CTNNBL1: variants seen among roughly 807,000 people sequenced by gnomAD.
CTNNBL1 encodes the protein beta-catenin-like protein 1.
Under a neutral mutation model 72.7 loss-of-function variants are expected in CTNNBL1, and 31 were observed. That is an observed-to-expected ratio of 0.43 (90% CI 0.32 to 0.58). The LOEUF (loss-of-function observed/expected upper bound fraction) is 0.58, where lower values mean the gene tolerates loss of function less well. Ranked by LOEUF, CTNNBL1 falls within the 20% of genes least tolerant of loss-of-function variation. CTNNBL1 has a pLI of 0.08. For synonymous variants in CTNNBL1, 240 were observed against 267.3 expected (o/e 0.90, Z 1.00); for missense variants, 534 against 725.1 (o/e 0.74, Z 3.03).
intron 1 of CTNNBL1, among the ~76,000 whole-genome samples, chr20:37,713,641 T>C (rs1405459852): frequency 1.3e-5 from 2 of 152,216 alleles, no homozygotes; most frequent in African/African-American, 4.8e-5. Flanking sequence ...GCCTCTGCAC[T>C]AATGGCAGAT....
intron 2 of CTNNBL1, among the ~76,000 whole-genome samples, chr20:37,734,455 G>A (rs2073155508): frequency 6.6e-6 from 1 of 152,190 alleles, no homozygotes; most frequent in African/African-American, 2.4e-5. Flanking sequence ...CAGTTAATTG[G>A]CAGGTATAAT....
chr20:37,852,938 C>T (rs6067891), intron 13 of CTNNBL1, among the ~76,000 whole-genome samples: 6,490 of 152,196 alleles, frequency 0.043, 225 homozygotes, highest in Non-Finnish European at 0.06. Flanking sequence ...GATCTGATCC[C>T]ATCTTCTTAG....
At chr20:37,831,877 T>G (rs914522338) in intron 11 of CTNNBL1, among the ~76,000 whole-genome samples, 6 of 152,228 alleles carry the variant, frequency 3.9e-5, no homozygotes, top group Non-Finnish European at 7.3e-5. Context: ...TAATCTTCAT[T>G]TCTTTACAGA....
chr20:37,759,758 G>T (rs1324448012), intron 5 of CTNNBL1, among the ~76,000 whole-genome samples: 1 of 152,186 alleles, frequency 6.6e-6, no homozygotes, highest in African/African-American at 2.4e-5. Flanking sequence ...CCAGTCGGAA[G>T]TCATCAGTAA....
intron 13 of CTNNBL1, among the ~76,000 whole-genome samples, chr20:37,849,491 C>A (rs2072377239): frequency 6.6e-6 from 1 of 152,248 alleles, no homozygotes; most frequent in Admixed American, 6.5e-5. Context: ...GACATTGGCC[C>A]ATTGCTCCGA....
intron 11 of CTNNBL1, among the ~76,000 whole-genome samples, chr20:37,831,929 C>G (rs2072213764): frequency 6.6e-6 from 1 of 152,198 alleles, no homozygotes; most frequent in Admixed American, 6.5e-5. Flanking sequence ...GACCAAAAGG[C>G]AAATGATTAT....
At chr20:37,779,479 G>T in intron 10 of CTNNBL1, 144 bp downstream of exon 10, 2 of 865,264 alleles carry the variant, frequency 2.3e-6, no homozygotes, top group Non-Finnish European at 3.6e-6. Flanking sequence ...CAGGCATGGG[G>T]GGATGTGTTT....
chr20:37,835,862 A>G (rs949441214), intron 11 of CTNNBL1, among the ~76,000 whole-genome samples: 2 of 152,224 alleles, frequency 1.3e-5, no homozygotes, highest in Non-Finnish European at 2.9e-5. Flanking sequence ...ATGGAAATAT[A>G]TATTAGGGAA....
chr20:37,835,363 G>A (rs1157584558), intron 11 of CTNNBL1, among the ~76,000 whole-genome samples: 1 of 152,040 alleles, frequency 6.6e-6, no homozygotes, highest in Non-Finnish European at 1.5e-5. Context: ...CTGTTTCTCT[G>A]GAGAACCCTA....
intron 1 of CTNNBL1, among the ~76,000 whole-genome samples, chr20:37,719,812 C>T (rs987955361): frequency 6.6e-6 from 1 of 151,028 alleles, no homozygotes; most frequent in Non-Finnish European, 1.5e-5. Flanking sequence ...ATTTATACAA[C>T]TTGTTTTTCT....
At chr20:37,778,138 G>A (rs1349507604) in intron 9 of CTNNBL1, among the ~76,000 whole-genome samples, 1 of 152,092 alleles carries the variant, frequency 6.6e-6, no homozygotes, top group African/African-American at 2.4e-5. Context: ...CTGCAGTGGG[G>A]TGGGGGTCAA....
intron 1 of CTNNBL1, among the ~76,000 whole-genome samples, chr20:37,716,789 A>G (rs746042088): frequency 3.9e-5 from 6 of 152,248 alleles, no homozygotes; most frequent in Non-Finnish European, 7.3e-5. Context: ...AGTATTGCCC[A>G]TAATGTTGAA....
chr20:37,742,908 A>G (rs1822391880), intron 3 of CTNNBL1, among the ~76,000 whole-genome samples: 1 of 152,074 alleles, frequency 6.6e-6, no homozygotes, highest in Non-Finnish European at 1.5e-5. Flanking sequence ...GGTTCAAGCA[A>G]TTCTCCTGCC....
intron 1 of CTNNBL1, among the ~76,000 whole-genome samples, chr20:37,732,006 T>C (rs2073132976): frequency 6.6e-6 from 1 of 152,244 alleles, no homozygotes; most frequent in Admixed American, 6.5e-5. Flanking sequence ...CCATCATGGC[T>C]GTATTAATTT....
At chr20:37,824,671 G>T (rs188969704) in intron 11 of CTNNBL1, among the ~76,000 whole-genome samples, 1 of 152,200 alleles carries the variant, frequency 6.6e-6, no homozygotes, top group African/African-American at 2.4e-5. Flanking sequence ...TGGCAGCTTC[G>T]TGGTGTCATT....
chr20:37,871,230 T>C (rs1313567298), intron 15 of CTNNBL1, among the ~76,000 whole-genome samples: 1 of 152,236 alleles, frequency 6.6e-6, no homozygotes, highest in African/African-American at 2.4e-5. Context: ...CTGCTGCTGC[T>C]GCTGCTCGGG....
intron 1 of CTNNBL1, among the ~76,000 whole-genome samples, chr20:37,705,268 T>A (rs1175517387): frequency 6.6e-6 from 1 of 152,190 alleles, no homozygotes; most frequent in Non-Finnish European, 1.5e-5. Flanking sequence ...TATAATAGTG[T>A]CTATCTCTGC....
intron 11 of CTNNBL1, among the ~76,000 whole-genome samples, chr20:37,836,181 C>T (rs898275758): frequency 1.3e-5 from 2 of 152,156 alleles, no homozygotes; most frequent in Non-Finnish European, 2.9e-5. Context: ...CCTAATAGCC[C>T]AGGCAAAGAA....
intron 11 of CTNNBL1, among the ~76,000 whole-genome samples, chr20:37,833,423 G>A (rs1322481245): frequency 6.6e-6 from 1 of 152,198 alleles, no homozygotes; most frequent in Non-Finnish European, 1.5e-5. Flanking sequence ...TGAGCAGGGA[G>A]CCCAGCAGGC....
Sources: allele counts gnomAD v4.1 joint callset (sites outside exome capture counted in the v4.1 genomes callset), GRCh38; gene constraint gnomAD v4.1.1; transcripts MANE v1.5; gene names NCBI Gene and HGNC (gene_info 2026-07-23, HGNC 2026-07-21).